MCTP1: variants seen among roughly 807,000 people sequenced by gnomAD.
MCTP1 encodes the protein multiple C2 and transmembrane domain containing 1.
Under a neutral mutation model 120.6 loss-of-function variants are expected in MCTP1, and 69 were observed. The observed-to-expected ratio is 0.57, with a 90% confidence interval of 0.47 to 0.70. The LOEUF is 0.70. MCTP1 is among the 30% of genes least tolerant of loss of function. The pLI is 0.00. For synonymous variants in MCTP1, 529 were observed against 493.1 expected (o/e 1.07, Z -0.96); for missense variants, 1,203 against 1,248.8 (o/e 0.96, Z 0.55).
chr5:94,961,716 C>T (rs1267064513), intron 2 of MCTP1, among the ~76,000 whole-genome samples: 1 of 152,146 alleles, frequency 6.6e-6, no homozygotes, highest in Non-Finnish European at 1.5e-5. Context: ...CAGTGTGTAA[C>T]AATCTTCACC....
At chr5:94,806,105 A>G (rs1782215981) in intron 17 of MCTP1, among the ~76,000 whole-genome samples, 1 of 151,710 alleles carries the variant, frequency 6.6e-6, no homozygotes, top group Non-Finnish European at 1.5e-5. Flanking sequence ...TGTGGAGCCA[A>G]TTTTATTCTT....
chr5:94,779,579 T>C (rs1221465082), intron 18 of MCTP1, among the ~76,000 whole-genome samples: 2 of 152,186 alleles, frequency 1.3e-5, no homozygotes, highest in African/African-American at 4.8e-5. Flanking sequence ...AACTCTAAGA[T>C]TAAAAAACCA....
At chr5:95,137,800 T>G (rs1048600126) in intron 1 of MCTP1, among the ~76,000 whole-genome samples, 1 of 152,198 alleles carries the variant, frequency 6.6e-6, no homozygotes, top group Admixed American at 6.5e-5. Flanking sequence ...TTCTGCTTTT[T>G]TAATGTCTGC....
chr5:95,241,510 C>T (rs1279677661), intron 1 of MCTP1, among the ~76,000 whole-genome samples: 2 of 152,258 alleles, frequency 1.3e-5, no homozygotes, highest in East Asian at 1.9e-4. Context: ...TAAACTACAC[C>T]TAGAGCCTCA....
At chr5:94,906,545 T>C (rs894615022) in intron 10 of MCTP1, among the ~76,000 whole-genome samples, 1 of 152,196 alleles carries the variant, frequency 6.6e-6, no homozygotes, top group Admixed American at 6.5e-5. Context: ...TTTAACTCTT[T>C]GACACTCCAG....
intron 1 of MCTP1, among the ~76,000 whole-genome samples, chr5:95,251,350 G>GAA (rs952157078): frequency 2.6e-5 from 4 of 152,124 alleles, no homozygotes; most frequent in African/African-American, 4.8e-5. Flanking sequence ...TAGAAGGTGG[G>GAA]AGGGACGAGA....
chr5:95,103,319 A>G (rs530910506), intron 1 of MCTP1, among the ~76,000 whole-genome samples: 6 of 152,096 alleles, frequency 3.9e-5, no homozygotes, highest in Admixed American at 3.9e-4. Flanking sequence ...ATGAAATTAT[A>G]TATTTTTTTT....
At chr5:95,002,425 A>C (rs1345746988) in intron 2 of MCTP1, among the ~76,000 whole-genome samples, 1 of 152,216 alleles carries the variant, frequency 6.6e-6, no homozygotes, top group Non-Finnish European at 1.5e-5. Context: ...CTGTGAAAGC[A>C]ACCAGGATGG....
chr5:95,245,597 T>G (rs1230016673), intron 1 of MCTP1, among the ~76,000 whole-genome samples: 2 of 149,344 alleles, frequency 1.3e-5, no homozygotes, highest in African/African-American at 5.0e-5. Context: ...ATCAAATTAA[T>G]GAAATAAAGC....
intron 1 of MCTP1, among the ~76,000 whole-genome samples, chr5:95,225,578 T>G (rs779129302): frequency 2.0e-5 from 3 of 152,162 alleles, no homozygotes; most frequent in Non-Finnish European, 2.9e-5. Context: ...GCCTTAAGAT[T>G]CCAAGAATGG....
chr5:94,927,681 T>C (rs771257125), intron 6 of MCTP1, among the ~76,000 whole-genome samples: 1 of 152,178 alleles, frequency 6.6e-6, no homozygotes, highest in South Asian at 2.1e-4. Flanking sequence ...AAAGATGTGT[T>C]AATCTGTTTC....
At chr5:95,079,955 T>G (rs1217750143) in intron 1 of MCTP1, among the ~76,000 whole-genome samples, 1 of 152,154 alleles carries the variant, frequency 6.6e-6, no homozygotes, top group Non-Finnish European at 1.5e-5. Flanking sequence ...CTTTTTTCTC[T>G]TCTCATAGCC....
rs143786060 is a variant in MCTP1 at position 94,726,134 on chromosome 5, G to GAGAA, written c.2611-11249_2611-11248insTTCT. On this transcript the variant is annotated intron_variant, in intron 19 of 22. Transcript: ENST00000515393. ...CCCAGCTTGAAGAAACTAAAGATCA[G>GAGAA]TTGCCTAAAGATCCCCCTCAAACTT... 4.3e-3 allele frequency among the ~76,000 whole-genome samples: 650 copies of GAGAA among 152,272 alleles called. 5 individuals are homozygous for GAGAA. The highest frequency in any genetic ancestry group is 0.015 in the African/African-American group (629 of 41,554).
intron 12 of MCTP1, among the ~76,000 whole-genome samples, chr5:94,879,455 C>A (rs1294365581): frequency 6.6e-6 from 1 of 152,022 alleles, no homozygotes; most frequent in African/African-American, 2.4e-5. Flanking sequence ...CCCACTGGGG[C>A]AATACTACCC....
intron 1 of MCTP1, among the ~76,000 whole-genome samples, chr5:95,035,841 CA>C (rs1841201175): frequency 6.6e-6 from 1 of 151,952 alleles, no homozygotes; most frequent in Non-Finnish European, 1.5e-5. Flanking sequence ...ATATATTATG[CA>C]TATAGTACTG....
intron 3 of MCTP1, among the ~76,000 whole-genome samples, chr5:94,947,413 A>G (rs1352614270): frequency 6.6e-6 from 1 of 151,570 alleles, no homozygotes; most frequent in Non-Finnish European, 1.5e-5. Context: ...AGAATTTTCT[A>G]TTGCATTCCT....
At chr5:95,250,827 C>T (rs1757314280) in intron 1 of MCTP1, among the ~76,000 whole-genome samples, 1 of 152,112 alleles carries the variant, frequency 6.6e-6, no homozygotes, top group African/African-American at 2.4e-5. Context: ...TATGTCTTAA[C>T]ACTACTAATA....
At chr5:95,278,291 A>G (rs537720469) in intron 1 of MCTP1, among the ~76,000 whole-genome samples, 7 of 152,340 alleles carry the variant, frequency 4.6e-5, no homozygotes, top group African/African-American at 1.4e-4. Flanking sequence ...CTGTATCTTC[A>G]ATGGTGCCGA....
At chr5:95,195,815 G>A (rs1750326260) in intron 1 of MCTP1, among the ~76,000 whole-genome samples, 1 of 152,108 alleles carries the variant, frequency 6.6e-6, no homozygotes, top group African/African-American at 2.4e-5. Flanking sequence ...ATGTATAGAA[G>A]TAAAAATGAT....
Sources: allele counts gnomAD v4.1 joint callset (sites outside exome capture counted in the v4.1 genomes callset), GRCh38; gene constraint gnomAD v4.1.1; transcripts MANE v1.5; gene names NCBI Gene and HGNC (gene_info 2026-07-23, HGNC 2026-07-21).